Variants in RNF38 observed in about 807,000 individuals in gnomAD.
RNF38 encodes E3 ubiquitin-protein ligase RNF38.
RNF38 carries 15 observed loss-of-function variants against 67.2 expected under a neutral mutation model. The observed-to-expected ratio is 0.22, with a 90% CI of 0.15 to 0.34. The LOEUF is 0.34. RNF38 is among the 10% of genes least tolerant of loss of function. RNF38 has a pLI of 1.00. For synonymous variants in RNF38, 220 were observed against 218.8 expected (o/e 1.01, Z -0.05); for missense variants, 524 against 639.9 (o/e 0.82, Z 1.95).
At position 36,375,975 on chromosome 9, in the gene RNF38, G is replaced by A; in HGVS notation, c.315C>T (p.Phe105=). ...PPSVRPSQHH[F]SGERCNTPAR... ...CAGGTGTGTTGCATCGTTCCCCTGA[G>A]AAGTGATGTTGGCTTGGTCGAACTG... is the stretch of plus-strand genomic sequence containing the variant. Residue 105 remains phenylalanine, a synonymous_variant, in exon 3 of 12, where the codon TTC becomes TTT. Transcript: ENST00000259605. 1 of 1,613,110 alleles carries A rather than the reference G, an allele frequency of 6.2e-7. No homozygotes were observed. Among genetic ancestry groups the A allele is most frequent in the Non-Finnish European group, 8.5e-7 (1 of 1,179,676 alleles).
intron 1 of RNF38, among the ~76,000 whole-genome samples, chr9:36,468,496 ATTTCT>A (rs1188516946): frequency 2.0e-5 from 3 of 152,112 alleles, no homozygotes; most frequent in African/African-American, 7.2e-5. Flanking sequence ...TCCAGCCCAG[ATTTCT>A]TTTAACTTTT....
intron 6 of RNF38, among the ~76,000 whole-genome samples, chr9:36,353,626 G>A (rs1389227931): frequency 6.6e-6 from 1 of 152,004 alleles, no homozygotes; most frequent in East Asian, 1.9e-4. Flanking sequence ...AAAAGTCATC[G>A]AATAAGCCAA....
At position 36,400,115 on chromosome 9, in the gene RNF38, G is replaced by T. The variant is rs752452318; in HGVS notation, c.-7C>A. ...ACTTTACCTTACAAGCCATACAGAC[G>T]TAAACAAAAACTTTATTTCTTTTTG... On this transcript the variant is annotated 5_prime_UTR_variant, in exon 1 of 12. Coordinates refer to ENST00000259605, the MANE Select transcript of RNF38 (RefSeq NM_022781.5). 4.3e-6 allele frequency: 7 copies of T among 1,612,054 alleles called. No individual in the cohort carries two copies. In the African/African-American group the frequency reaches 8.0e-5, roughly 18 times the overall value.
intron 1 of RNF38, among the ~76,000 whole-genome samples, chr9:36,435,625 T>C (rs1340870312): frequency 6.8e-6 from 1 of 147,804 alleles, no homozygotes; most frequent in African/African-American, 2.5e-5. Context: ...GAATGGAGGT[T>C]TTTTTTTTTT....
At chr9:36,342,140 G>A (rs1033929594) in intron 11 of RNF38, among the ~76,000 whole-genome samples, 185 bp downstream of exon 11, 1 of 149,902 alleles carries the variant, frequency 6.7e-6, no homozygotes, top group African/African-American at 2.5e-5. Context: ...ATTTTGTATA[G>A]TCACTCCTAT....
intron 1 of RNF38, among the ~76,000 whole-genome samples, chr9:36,485,374 A>C (rs901477699): frequency 2.0e-5 from 3 of 151,688 alleles, no homozygotes; most frequent in Non-Finnish European, 2.9e-5. Context: ...CCTTCACACT[A>C]AACACCAAAT....
chr9:36,367,576 TTTC>T (rs1835075093), intron 4 of RNF38, among the ~76,000 whole-genome samples: 3 of 148,304 alleles, frequency 2.0e-5, no homozygotes, highest in South Asian at 2.1e-4. Context: ...GTTATTCTTT[TTTC>T]TTTTTTTTAA....
At chr9:36,417,471 A>G (rs1010134252) in intron 2 of RNF38, among the ~76,000 whole-genome samples, 1 of 152,184 alleles carries the variant, frequency 6.6e-6, no homozygotes, top group African/African-American at 2.4e-5. Context: ...CTATTTACCT[A>G]AAAGTACCAA....
intron 1 of RNF38, among the ~76,000 whole-genome samples, chr9:36,470,821 T>C (rs1434257022): frequency 6.6e-6 from 1 of 152,092 alleles, no homozygotes; most frequent in African/African-American, 2.4e-5. Context: ...GAAGGAAAAC[T>C]ATTTCCAGTA....
In RNF38 at chr9:36,419,176, T is replaced by G. The variant is rs73441069; in HGVS notation, n.312+5437A>C. On this transcript the variant is annotated intron_variant and non_coding_transcript_variant, in intron 2 of 3. Transcript: ENST00000488058. ...TCAGATTTGGGATGCTCAACCAGTA[T>G]ATAACGCAAATATACAAAACCTGAA... 3.9e-3 allele frequency among the ~76,000 whole-genome samples: 591 copies of G among 152,286 alleles called. 7 individuals are homozygous for G. The highest frequency in any genetic ancestry group is 0.014 in the African/African-American group (568 of 41,554).
chr9:36,435,498 A>G (rs1263193515), intron 1 of RNF38, among the ~76,000 whole-genome samples: 1 of 152,218 alleles, frequency 6.6e-6, no homozygotes, highest in Non-Finnish European at 1.5e-5. Flanking sequence ...AAGTCAATAT[A>G]GTTGTTTGAA....
intron 1 of RNF38, among the ~76,000 whole-genome samples, chr9:36,393,526 G>T (rs937528115): frequency 8.5e-5 from 8 of 93,784 alleles, no homozygotes; most frequent in Admixed American, 4.8e-4. Context: ...TGTGTGTGGG[G>T]CAGGCAGTCC....
At chr9:36,381,403 A>C (rs943583685) in intron 2 of RNF38, among the ~76,000 whole-genome samples, 1 of 152,158 alleles carries the variant, frequency 6.6e-6, no homozygotes, top group African/African-American at 2.4e-5. Context: ...TTATCTCTCC[A>C]TCCCCTGCTT....
intron 2 of RNF38, among the ~76,000 whole-genome samples, chr9:36,380,211 G>GT (rs969599121): frequency 6.6e-6 from 1 of 152,118 alleles, no homozygotes; most frequent in Non-Finnish European, 1.5e-5. Context: ...TTTTTTGCTT[G>GT]TTTTTTGAGA....
At chr9:36,352,074 C>T (rs1349660878) in intron 8 of RNF38, among the ~76,000 whole-genome samples, 2 of 152,012 alleles carry the variant, frequency 1.3e-5, no homozygotes, top group African/African-American at 2.4e-5. Flanking sequence ...GTAAGATGGG[C>T]GGATCACCTG....
intron 1 of RNF38, among the ~76,000 whole-genome samples, chr9:36,443,182 G>C (rs1306330929): frequency 1.3e-5 from 2 of 152,160 alleles, no homozygotes; most frequent in Non-Finnish European, 2.9e-5. Context: ...TAAGCTCCTA[G>C]AGAGTGAAAT....
chr9:36,454,145 A>C (rs1839527810), intron 1 of RNF38, among the ~76,000 whole-genome samples: 1 of 150,494 alleles, frequency 6.6e-6, no homozygotes, highest in African/African-American at 2.4e-5. Context: ...TTTTTTTGAG[A>C]CAGAGTCTCA....
chr9:36,374,166 G>T (rs1384603558), intron 3 of RNF38, among the ~76,000 whole-genome samples: 1 of 152,094 alleles, frequency 6.6e-6, no homozygotes, highest in African/African-American at 2.4e-5. Flanking sequence ...CATGTAATTG[G>T]TTAATAAGGT....
chr9:36,474,710 T>C (rs1002430580), intron 1 of RNF38, among the ~76,000 whole-genome samples: 1 of 148,338 alleles, frequency 6.7e-6, no homozygotes, highest in African/African-American at 2.5e-5. Flanking sequence ...ATACTTAGAA[T>C]AGAACCTTAA....
Sources: gnomAD v4.1 joint callset for allele counts (sites outside exome capture counted in the v4.1 genomes callset) on GRCh38, gnomAD v4.1.1 for gene constraint, MANE v1.5 for transcripts, NCBI Gene and HGNC (gene_info 2026-07-23, HGNC 2026-07-21) for gene names.